ALKBH1: variants seen among roughly 807,000 people sequenced by gnomAD.
ALKBH1 encodes nucleic acid dioxygenase ALKBH1.
A neutral mutation model predicts 36.6 loss-of-function variants in ALKBH1; 31 were observed. The ratio of observed to expected loss-of-function variants is 0.85; its 90% CI spans 0.64 to 1.14. ALKBH1 has a LOEUF of 1.14. Ranked by LOEUF, ALKBH1 falls within the 50% of genes most tolerant of loss-of-function variation. The pLI, the probability that ALKBH1 is intolerant of heterozygous loss-of-function variation, is 0.00. For synonymous variants in ALKBH1, 183 were observed against 186.6 expected, an observed-to-expected ratio of 0.98 and a Z score of 0.16; for missense variants, 490 against 497.3, an observed-to-expected ratio of 0.99 and a Z score of 0.14.
intron 3 of ALKBH1, among the ~76,000 whole-genome samples, chr14:77,690,152 T>G (rs2080289569): frequency 6.6e-6 from 1 of 152,140 alleles, no homozygotes. Flanking sequence ...AGGGAAGAGC[T>G]TCCTAGGTAG....
At chr14:77,700,111 A>C (rs558456576) in intron 2 of ALKBH1, among the ~76,000 whole-genome samples, 11 of 152,232 alleles carry the variant, frequency 7.2e-5, no homozygotes, top group African/African-American at 2.6e-4. Flanking sequence ...AACCAAACAA[A>C]TCTCTGAACA....
At chr14:77,675,947 A>T in intron 4 of ALKBH1, 98 bp from the exon 5 acceptor site, 1 of 1,025,070 alleles carries the variant, frequency 9.8e-7, no homozygotes, top group Non-Finnish European at 1.4e-6. Context: ...TCTTACTTAC[A>T]AAGTCATATT....
At chr14:77,683,163 TTTTTTTTTACAAACAGTCCAGGGGTA>T in intron 3 of ALKBH1, 2 of 532,352 alleles carry the variant, frequency 3.8e-6, no homozygotes, top group Admixed American at 3.2e-5. Flanking sequence ...TTTTTTTTTT[TTTTTTTTTACAAACAGTCCAGGGGTA>T]TTTTAACACC....
intron 3 of ALKBH1, among the ~76,000 whole-genome samples, chr14:77,686,392 A>C (rs1050780152): frequency 6.6e-6 from 1 of 152,154 alleles, no homozygotes; most frequent in Non-Finnish European, 1.5e-5. Flanking sequence ...CACCTAATAC[A>C]TCTTTATCCA....
chr14:77,683,009 T>C (rs545774202), intron 3 of ALKBH1, among the ~76,000 whole-genome samples: 1 of 152,218 alleles, frequency 6.6e-6, no homozygotes, highest in Admixed American at 6.5e-5. Flanking sequence ...TTTTTATTGT[T>C]TAATTAAAAC....
intron 3 of ALKBH1, among the ~76,000 whole-genome samples, chr14:77,681,839 G>C (rs1446449962): frequency 6.6e-6 from 1 of 152,222 alleles, no homozygotes; most frequent in Non-Finnish European, 1.5e-5. Flanking sequence ...TAGGCACTGA[G>C]TTTCTTTGGT....
intron 3 of ALKBH1, 115 bp downstream of exon 3, chr14:77,694,623 G>A: frequency 1.2e-6 from 1 of 801,244 alleles, no homozygotes; most frequent in South Asian, 4.2e-5. Context: ...AAACAATGAA[G>A]GGAAAAAAAA....
chr14:77,691,025 T>C (rs2003594), intron 3 of ALKBH1, among the ~76,000 whole-genome samples: 11,654 of 152,196 alleles, frequency 0.077, 499 homozygotes, highest in Middle Eastern at 0.1. Context: ...GGTCTCGAAC[T>C]CCTGACCTCA....
chr14:77,700,808 C>A (rs1161021501), intron 2 of ALKBH1, among the ~76,000 whole-genome samples: 1 of 152,116 alleles, frequency 6.6e-6, no homozygotes, highest in Non-Finnish European at 1.5e-5. Flanking sequence ...TGCCTCCTAG[C>A]CAGGCACAGT....
chr14:77,675,985 A>ATTCTT (rs1336034966), intron 4 of ALKBH1, 136 bp from the exon 5 acceptor site: 5 of 753,620 alleles, frequency 6.6e-6, no homozygotes, highest in East Asian at 2.7e-5. Flanking sequence ...TTATCTATCC[A>ATTCTT]TTCTTTTCTT....
At chr14:77,694,952 T>C (rs1297010642) in intron 2 of ALKBH1, 52 bp from the exon 3 acceptor site, 1 of 1,384,230 alleles carries the variant, frequency 7.2e-7, no homozygotes, top group Non-Finnish European at 9.6e-7. Flanking sequence ...TCTCCATCAG[T>C]TATTCAAATA....
intron 2 of ALKBH1, among the ~76,000 whole-genome samples, chr14:77,702,500 T>C (rs750366586): frequency 1.2e-4 from 19 of 152,088 alleles, no homozygotes; most frequent in Non-Finnish European, 1.8e-4. Flanking sequence ...GTCCTGGCCA[T>C]TGGCACAATG....
chr14:77,693,206 CA>C (rs59132199), intron 3 of ALKBH1, among the ~76,000 whole-genome samples: 239 of 126,722 alleles, frequency 1.9e-3, no homozygotes, highest in Middle Eastern at 0.012. Context: ...AACTCCGTCT[CA>C]AAAAAAAAAA....
At chr14:77,674,321 C>T (rs1293717275) in intron 5 of ALKBH1, 80 bp from the exon 6 acceptor site, 3 of 1,363,288 alleles carry the variant, frequency 2.2e-6, no homozygotes, top group South Asian at 3.1e-5. Context: ...AAGTTACTGC[C>T]AACTGTGTTA....
At chr14:77,678,201 A>C (rs2080216642) in intron 4 of ALKBH1, among the ~76,000 whole-genome samples, 2 of 151,014 alleles carry the variant, frequency 1.3e-5, no homozygotes, top group African/African-American at 4.8e-5. Context: ...TAATTTTCAC[A>C]ACTGCCTTAT....
rs574172013 is a variant in ALKBH1, at chr14:77,675,069, T to A, written c.740+587A>T. Among the ~76,000 whole-genome samples the A allele has an allele frequency of 6.6e-5, 10 of 152,206 alleles. No homozygotes were observed. The South Asian group carries it at 2.1e-3, about 32-fold the overall frequency. On this transcript the variant is annotated intron_variant, in intron 5 of 5. Coordinates refer to ENST00000216489, the MANE Select transcript of ALKBH1 (RefSeq NM_006020.3). ...ATAGTTTGCTCTTCTATACCAAAGG[T>A]CACTCGCTTTGCTTTTATGGCTTTC...
rs1486677319 is a variant in ALKBH1, at chr14:77,673,317, G to C, written c.*495C>G. 6.4e-6 allele frequency: 1 copy of C among 156,652 alleles called. No individual in the cohort carries two copies. The highest frequency in any genetic ancestry group is 1.4e-5 in the Non-Finnish European group (1 of 70,464). 9.7% of individuals were successfully genotyped at this position (156,652 alleles called of 1,614,324 possible). ...GTAAAGGATTCTTCCATGAGAGCCA[G>C]AGAGGTGGAAGAGAAGATCAAAGAA... On this transcript the variant is annotated 3_prime_UTR_variant, in exon 6 of 6. Coordinates refer to ENST00000216489, the MANE Select transcript of ALKBH1 (RefSeq NM_006020.3).
chr14:77,686,503 CAGA>C (rs3216480), intron 3 of ALKBH1, among the ~76,000 whole-genome samples: 23,372 of 152,192 alleles, frequency 0.15, 1,909 homozygotes, highest in East Asian at 0.25. Context: ...CAGGCACTAG[CAGA>C]AGGATGATGG....
intron 5 of ALKBH1, among the ~76,000 whole-genome samples, chr14:77,674,548 T>C (rs1164700232): frequency 7.0e-5 from 9 of 127,902 alleles, no homozygotes; most frequent in Non-Finnish European, 1.6e-4. Flanking sequence ...GTTTTATTGA[T>C]GGTTTTTTTT....
Sources: allele counts gnomAD v4.1 joint callset (sites outside exome capture counted in the v4.1 genomes callset), GRCh38; gene constraint gnomAD v4.1.1; transcripts MANE v1.5; gene names NCBI Gene and HGNC (gene_info 2026-07-23, HGNC 2026-07-21).